SNTA1: variants seen among roughly 807,000 people sequenced by gnomAD.
The protein encoded by SNTA1 is alpha-1-syntrophin.
A neutral mutation model predicts 47.1 loss-of-function variants in SNTA1; 31 were observed. That is an observed-to-expected ratio of 0.66 (90% CI 0.49 to 0.89). The LOEUF is 0.89. Ranked by LOEUF, SNTA1 falls within the 40% of genes least tolerant of loss-of-function variation. SNTA1 has a pLI of 0.00. For missense variants in SNTA1, 575 were observed against 693.0 expected (o/e 0.83, Z 1.91); for synonymous variants, 300 against 313.6 (o/e 0.96, Z 0.46).
Position 33,410,191 on chromosome 20 carries a change from CG to C in SNTA1, c.1180del (p.Arg394AlafsTer93). 6 of 1,614,100 alleles carry C rather than the reference CG, an allele frequency of 3.7e-6. No individual in the cohort carries two copies. Among genetic ancestry groups the C allele is most frequent in the Non-Finnish European group, 5.1e-6 (6 of 1,180,012 alleles). ...ESPQELAAWT[R>X]QLVDGCHRAA... ...CCGGTGACAGCCATCCACAAGCTGGCGGGTCCAGGCAGCCAGCTCCTGCGGT... is the reference window on the plus strand; with the variant it reads ...CCGGTGACAGCCATCCACAAGCTGGCGGTCCAGGCAGCCAGCTCCTGCGGT... On this transcript the variant is annotated frameshift_variant, in exon 6 of 8. Transcript: ENST00000217381. LOFTEE classifies it high-confidence loss of function.
intron 5 of SNTA1, among the ~76,000 whole-genome samples, chr20:33,411,207 C>A (rs990325989): frequency 6.6e-6 from 1 of 152,110 alleles, no homozygotes; most frequent in Non-Finnish European, 1.5e-5. Context: ...TTCGACTTTC[C>A]AGCCCTGAGC....
intron 2 of SNTA1, among the ~76,000 whole-genome samples, chr20:33,418,342 A>G (rs940233470): frequency 6.6e-6 from 1 of 150,540 alleles, no homozygotes; most frequent in Admixed American, 6.7e-5. Context: ...TACAGCCTCA[A>G]TCTCCCAGAT....
intron 2 of SNTA1, among the ~76,000 whole-genome samples, chr20:33,435,189 GC>G (rs1270935378): frequency 2.0e-5 from 3 of 147,900 alleles, no homozygotes; most frequent in Non-Finnish European, 4.5e-5. Context: ...ACGGGGTTTC[GC>G]CATGTTGGCC....
chr20:33,416,311 C>G (rs546972347), intron 3 of SNTA1, among the ~76,000 whole-genome samples: 5 of 152,310 alleles, frequency 3.3e-5, no homozygotes, highest in African/African-American at 9.6e-5. Flanking sequence ...ACAGCCCAAG[C>G]TTGTAATGCA....
intron 1 of SNTA1, 38 bp downstream of exon 1, chr20:33,443,273 G>T: frequency 6.8e-7 from 1 of 1,467,174 alleles, no homozygotes; most frequent in Non-Finnish European, 9.0e-7. Flanking sequence ...GCTGCCCCCA[G>T]ACACCACGAC....
At chr20:33,440,045 G>GA (rs1318231804) in intron 1 of SNTA1, among the ~76,000 whole-genome samples, 1 of 148,964 alleles carries the variant, frequency 6.7e-6, no homozygotes, top group Non-Finnish European at 1.5e-5. Flanking sequence ...GAATCACTTG[G>GA]ACCCAGGAGG....
chr20:33,413,704 G>A (rs555379900), intron 3 of SNTA1, among the ~76,000 whole-genome samples: 5 of 151,192 alleles, frequency 3.3e-5, no homozygotes, highest in South Asian at 2.1e-4. Flanking sequence ...GAGCCAGGAC[G>A]ATGGCTTGAG....
At chr20:33,412,834 C>A in intron 3 of SNTA1, 52 bp from the exon 4 acceptor site, 2 of 1,330,518 alleles carry the variant, frequency 1.5e-6, no homozygotes, top group Non-Finnish European at 2.1e-6. Context: ...GCTGCAGCTG[C>A]CCAACCCTGG....
At chr20:33,427,298 C>G (rs1428023981) in intron 2 of SNTA1, among the ~76,000 whole-genome samples, 1 of 152,040 alleles carries the variant, frequency 6.6e-6, no homozygotes, top group Non-Finnish European at 1.5e-5. Context: ...GAGGCAAGGT[C>G]TCTCTGAGCC....
chr20:33,422,255 G>A (rs1216564127), intron 2 of SNTA1, among the ~76,000 whole-genome samples: 3 of 151,258 alleles, frequency 2.0e-5, no homozygotes, highest in Non-Finnish European at 4.4e-5. Context: ...CTTGGCCAAC[G>A]TGGTGAAACC....
Position 33,443,551 on chromosome 20 carries a change from C to G in SNTA1, c.70G>C (p.Gly24Arg). The change falls in exon 1 of 8, where the codon GGC becomes CGC. Residue 24 changes from glycine (G) to arginine (R), a missense_variant. By Grantham distance (125) the Gly-to-Arg change is moderately radical. Transcript: ENST00000217381. ...ELRAGAGSGA[G>R]GERWQRVLLS... ...AGCACCCGCTGCCATCGCTCGCCGC[C>G]GGCCCCCGAGCCCGCCCCGGCGCGC... 2 of 1,336,652 alleles carry G rather than the reference C, an allele frequency of 1.5e-6. No individual in the cohort carries two copies. Among genetic ancestry groups the G allele is most frequent in the Non-Finnish European group, 1.9e-6 (2 of 1,036,370 alleles). 82.8% of individuals were successfully genotyped at this position (1,336,652 alleles called of 1,614,324 possible). A position where few individuals can be genotyped will look rare whatever the true frequency, so the allele number is the denominator to read the frequency against.
chr20:33,409,186 G>A (rs530140896), intron 6 of SNTA1, among the ~76,000 whole-genome samples: 6 of 152,256 alleles, frequency 3.9e-5, no homozygotes, highest in African/African-American at 4.8e-5. Context: ...ACCAAGCACC[G>A]CCCTTGGAGA....
In SNTA1 at chr20:33,443,571, G is replaced by A. The variant is rs1990636018; in HGVS notation, c.50C>T (p.Ala17Val). 1 of 1,320,850 alleles carries A rather than the reference G, an allele frequency of 7.6e-7. No homozygotes were observed. The highest frequency in any genetic ancestry group is 9.7e-7 in the Non-Finnish European group (1 of 1,027,786). The allele number at this position is 1,320,850 out of a possible 1,614,324, so 81.8% of individuals were successfully genotyped here. A position where few individuals can be genotyped will look rare whatever the true frequency, so the allele number is the denominator to read the frequency against. The change falls in exon 1 of 8, where the codon GCC becomes GTC. Residue 17 changes from alanine to valine, a missense_variant. By Grantham distance (64) the Ala-to-Val change is moderately conservative (BLOSUM62 0). Coordinates refer to ENST00000217381, the MANE Select transcript of SNTA1 (RefSeq NM_003098.3). ...GCCGCCGGCCCCCGAGCCCGCCCCG[G>A]CGCGCAGCTCCAGCAGCCCGGTGCG... ...APRTGLLELR[A>V]GAGSGAGGER...
chr20:33,408,420 G>T lies in SNTA1; in HGVS notation c.*87C>A. ...TGTTCCTCTCCTCTCCCTTCCCTCAGCCCAGGGGTGAGCAGGCAGTCGGTG... is the reference window on the plus strand; with the variant it reads ...TGTTCCTCTCCTCTCCCTTCCCTCATCCCAGGGGTGAGCAGGCAGTCGGTG... On this transcript the variant is annotated 3_prime_UTR_variant, in exon 8 of 8. Coordinates refer to ENST00000217381, the MANE Select transcript of SNTA1 (RefSeq NM_003098.3). 1 of 955,344 alleles carries T rather than the reference G, an allele frequency of 1.0e-6. No homozygotes were observed. Among genetic ancestry groups the T allele is most frequent in the South Asian group, 1.3e-5 (1 of 74,528 alleles). The allele number at this position is 955,344 out of a possible 1,614,324, so 59.2% of individuals were successfully genotyped here. A position where few individuals can be genotyped will look rare whatever the true frequency, so the allele number is the denominator to read the frequency against.
intron 6 of SNTA1, 129 bp from the exon 7 acceptor site, chr20:33,409,017 G>T: frequency 1.2e-6 from 1 of 805,200 alleles, no homozygotes; most frequent in Non-Finnish European, 2.1e-6. Context: ...ACTGTTTGTC[G>T]TGGCACCAGT....
intron 4 of SNTA1, 69 bp from the exon 5 acceptor site, chr20:33,412,495 G>A: frequency 6.2e-7 from 1 of 1,602,178 alleles, no homozygotes; most frequent in Non-Finnish European, 8.5e-7. Flanking sequence ...GCAGGGTGAG[G>A]TGGCCAGGGG....
At chr20:33,436,450 G>A (rs1384528411) in intron 2 of SNTA1, among the ~76,000 whole-genome samples, 5 of 152,128 alleles carry the variant, frequency 3.3e-5, no homozygotes, top group Non-Finnish European at 7.4e-5. Context: ...TATCATTTAT[G>A]TGGCATTCTA....
intron 2 of SNTA1, among the ~76,000 whole-genome samples, chr20:33,432,059 A>T (rs778077458): frequency 6.6e-6 from 1 of 152,208 alleles, no homozygotes; most frequent in Non-Finnish European, 1.5e-5. Flanking sequence ...CCTTGAGAAC[A>T]ATGGTCAGAA....
intron 2 of SNTA1, among the ~76,000 whole-genome samples, chr20:33,424,314 CAAA>C (rs879835008): frequency 2.7e-5 from 2 of 73,900 alleles, no homozygotes; most frequent in African/African-American, 5.2e-5. Context: ...AACGCCATCT[CAAA>C]AAAAAAAAAA....
Sources: gnomAD v4.1 joint callset for allele counts (sites outside exome capture counted in the v4.1 genomes callset) on GRCh38, gnomAD v4.1.1 for gene constraint, MANE v1.5 for transcripts, NCBI Gene and HGNC (gene_info 2026-07-23, HGNC 2026-07-21) for gene names.